The following CC2D2B variants were observed in gnomAD, a reference collection of about 807,000 sequenced individuals.
CC2D2B encodes protein CC2D2B.
A neutral mutation model predicts 161.2 loss-of-function variants in CC2D2B; 128 were observed. The observed-to-expected ratio is 0.79, with a 90% CI of 0.69 to 0.92. CC2D2B has a LOEUF of 0.92. Ranked by LOEUF, CC2D2B falls within the 40% of genes least tolerant of loss-of-function variation. CC2D2B has a pLI of 0.00. For missense variants in CC2D2B, 1,173 were observed against 1,375.1 expected (o/e 0.85, Z 2.32); for synonymous variants, 391 against 449.8 (o/e 0.87, Z 1.65).
At chr10:95,962,304 A>G (rs1370823862) in intron 12 of CC2D2B, among the ~76,000 whole-genome samples, 1 of 152,164 alleles carries the variant, frequency 6.6e-6, no homozygotes, top group East Asian at 1.9e-4. Context: ...ATTTGTCAAT[A>G]GAGAAATGCA....
At chr10:96,002,227 C>T (rs1445929801) in intron 24 of CC2D2B, among the ~76,000 whole-genome samples, 1 of 152,070 alleles carries the variant, frequency 6.6e-6, no homozygotes, top group Non-Finnish European at 1.5e-5. Flanking sequence ...AGAGCACAAC[C>T]AAGTGGATCA....
chr10:95,995,898 T>C (rs187267652), intron 23 of CC2D2B, among the ~76,000 whole-genome samples: 2 of 152,242 alleles, frequency 1.3e-5, no homozygotes, highest in Non-Finnish European at 2.9e-5. Context: ...TTTGTTTACC[T>C]GTATATTTTC....
chr10:96,023,872 T>C (rs879653969), intron 32 of CC2D2B, among the ~76,000 whole-genome samples: 1 of 152,190 alleles, frequency 6.6e-6, no homozygotes, highest in Non-Finnish European at 1.5e-5. Flanking sequence ...AGAATTTGTG[T>C]TTCGAACAAG....
Position 96,000,050 on chromosome 10 carries a change from T to C in CC2D2B, c.2849+3798T>C, listed in dbSNP as rs971190653. ...AATGCCAACAGCATGTTGGGTAACA[T>C]TGTAGACTCTTCCAGTTTTGCCGTG... On this transcript the variant is annotated intron_variant, in intron 24 of 34. Coordinates refer to ENST00000646931, the MANE Select transcript of CC2D2B (RefSeq NM_001349008.3). The C allele has an allele frequency of 2.7e-6, 4 of 1,459,380 alleles. No individual in the cohort carries two copies. The African/African-American group carries it at 5.7e-5, about 21-fold the overall frequency. The allele number at this position is 1,459,380 out of a possible 1,614,324, so 90.4% of individuals were successfully genotyped here. A position where few individuals can be genotyped will look rare whatever the true frequency, so the allele number is the denominator to read the frequency against.
rs2078558171 is a variant in CC2D2B, at chr10:96,002,807, G to A, written c.2850-1345G>A. On this transcript the variant is annotated intron_variant, in intron 24 of 34. Transcript: ENST00000646931. ...TTGAAGATCCTTTGAAATAGTGGTT[G>A]CTTCCTTAAGCAACAAGATTCAACA... Among the ~76,000 whole-genome samples, 3 of 152,182 alleles carry A rather than the reference G, an allele frequency of 2.0e-5. No individual in the cohort carries two copies. In the South Asian group the frequency reaches 6.2e-4, roughly 32 times the overall value.
chr10:95,999,951 C>A, intron 24 of CC2D2B: 1 of 592,280 alleles, frequency 1.7e-6, no homozygotes, highest in Non-Finnish European at 2.9e-6. Flanking sequence ...GCTATCTCAG[C>A]TCTTAGAGCA....
intron 2 of CC2D2B, chr10:95,918,985 T>A (rs2098521680): frequency 6.6e-6 from 1 of 152,166 alleles, no homozygotes; most frequent in East Asian, 1.9e-4. Flanking sequence ...TCTATCTCTT[T>A]GTTAAATTTG....
At chr10:95,984,988 A>G (rs534973757) in intron 19 of CC2D2B, among the ~76,000 whole-genome samples, 7 of 152,382 alleles carry the variant, frequency 4.6e-5, no homozygotes, top group African/African-American at 1.7e-4. Context: ...CATCTAATAT[A>G]CCAGTAAAAA....
intron 9 of CC2D2B, among the ~76,000 whole-genome samples, chr10:95,942,554 A>G (rs539206090): frequency 6.6e-6 from 1 of 152,270 alleles, no homozygotes; most frequent in African/African-American, 2.4e-5. Flanking sequence ...CACCTTAAGA[A>G]AAAGATTTGG....
chr10:96,023,865 A>G (rs34660132), intron 32 of CC2D2B, among the ~76,000 whole-genome samples: 18,342 of 152,204 alleles, frequency 0.12, 1,172 homozygotes, highest in Middle Eastern at 0.17. Flanking sequence ...AGGGCCAAGA[A>G]TTTGTGTTTC....
intron 25 of CC2D2B, among the ~76,000 whole-genome samples, chr10:96,005,605 T>C (rs1015677150): frequency 6.6e-6 from 1 of 152,222 alleles, no homozygotes; most frequent in African/African-American, 2.4e-5. Flanking sequence ...GTATATTTTC[T>C]TCCTGCTATC....
At chr10:95,998,731 T>C (rs774951610) in intron 24 of CC2D2B, among the ~76,000 whole-genome samples, 4 of 152,150 alleles carry the variant, frequency 2.6e-5, no homozygotes, top group Non-Finnish European at 5.9e-5. Context: ...TTTTGTCTAT[T>C]AAGGCCTTCA....
intron 32 of CC2D2B, chr10:96,022,644 C>T (rs983257646): frequency 3.3e-5 from 5 of 152,148 alleles, no homozygotes; most frequent in Non-Finnish European, 5.9e-5. Context: ...AATGTATAAT[C>T]ATTCTCTTGT....
At position 96,016,255 on chromosome 10, in the gene CC2D2B, A is replaced by T. The variant is rs2079194413; in HGVS notation, c.3571A>T (p.Asn1191Tyr). The T allele has an allele frequency of 6.2e-7, 1 of 1,613,482 alleles. No homozygotes were observed. The highest frequency in any genetic ancestry group is 8.5e-7 in the Non-Finnish European group (1 of 1,179,756). ...NKEEHAILLC[N>Y]FFLYFGKKAL... ...GGAGGAGCATGCCATCCTTCTCTGT[A>T]ATTTCTTTCTGTATTTTGGAAAGAA... is the stretch of plus-strand genomic sequence containing the variant. Residue 1191 changes from asparagine (N) to tyrosine (Y), a missense_variant, in exon 30 of 35, where the codon AAT becomes TAT. Physicochemically the swap from Asn to Tyr is moderately radical, Grantham distance 143 (BLOSUM62 -2). This residue lies in a region of CC2D2B where 598 missense variants were observed against 693.2 expected (regional missense o/e 0.86). Transcript: ENST00000646931.
intron 28 of CC2D2B, among the ~76,000 whole-genome samples, 157 bp downstream of exon 28, chr10:96,012,886 T>C (rs2141865074): frequency 6.6e-6 from 1 of 152,282 alleles, no homozygotes; most frequent in East Asian, 1.9e-4. Flanking sequence ...AGCTGGACTC[T>C]TTAAGCTAAA....
chr10:96,012,609 A>T lies in CC2D2B; in HGVS notation c.3306A>T (p.Arg1102Ser). The change falls in exon 28 of 35, where the codon AGA (arginine) becomes AGT (serine). Residue 1102 changes from arginine to serine, a missense_variant. Physicochemically the swap from Arg to Ser is moderately radical, Grantham distance 110. Coordinates refer to ENST00000646931, the MANE Select transcript of CC2D2B (RefSeq NM_001349008.3). ...GTAAGGCAATGTTTCCCAACCGAAG[A>T]ATCGTAACTACTGTTTTTAATGATG... ...KNCKAMFPNR[R>S]IVTTVFNDEG... 1.1e-5 allele frequency: 18 copies of T among 1,612,776 alleles called. No individual in the cohort carries two copies. Among genetic ancestry groups the T allele is most frequent in the Non-Finnish European group, 1.5e-5 (18 of 1,178,878 alleles).
Position 96,032,450 on chromosome 10 carries a change from C to G in CC2D2B, c.*442C>G. The G allele has an allele frequency of 4.7e-6, 1 of 211,444 alleles. No homozygotes were observed. The highest frequency in any genetic ancestry group is 9.7e-6 in the Non-Finnish European group (1 of 102,780). The allele number at this position is 211,444 out of a possible 1,614,324, so 13.1% of individuals were successfully genotyped here. A position where few individuals can be genotyped will look rare whatever the true frequency, so the allele number is the denominator to read the frequency against. ...GCACCTCTGGGAGTGAAGCTACAGA[C>G]TCTGCATTATTTTCAACAAGCTCCC... On this transcript the variant is annotated 3_prime_UTR_variant, in exon 35 of 35. Coordinates refer to ENST00000646931, the MANE Select transcript of CC2D2B (RefSeq NM_001349008.3).
chr10:95,995,132 A>T (rs1040203431), intron 22 of CC2D2B, 137 bp from the exon 23 acceptor site: 4 of 491,336 alleles, frequency 8.1e-6, no homozygotes, highest in Middle Eastern at 2.9e-4. Flanking sequence ...ATGATAAGAC[A>T]ATTCAAGGCA....
intron 17 of CC2D2B, among the ~76,000 whole-genome samples, chr10:95,981,624 A>G (rs1349821161): frequency 6.6e-6 from 1 of 152,194 alleles, no homozygotes; most frequent in Non-Finnish European, 1.5e-5. Flanking sequence ...ATAAGTTACT[A>G]TGCTTAGGGT....
Sources: allele counts gnomAD v4.1 joint callset (sites outside exome capture counted in the v4.1 genomes callset), GRCh38; gene constraint gnomAD v4.1.1; regional missense constraint gnomAD v4.1.1; transcripts MANE v1.5; gene names NCBI Gene and HGNC (gene_info 2026-07-23, HGNC 2026-07-21).